ADGRB3: variants seen among roughly 807,000 people sequenced by gnomAD.
The protein encoded by ADGRB3 is adhesion G protein-coupled receptor B3, also known as brain-specific angiogenesis inhibitor 3.
In ADGRB3, 37 loss-of-function variants were observed where a neutral mutation model predicts 193.4. That is an observed-to-expected ratio of 0.19 (90% CI 0.15 to 0.25). The LOEUF is 0.25. ADGRB3 is among the 10% of genes least tolerant of loss of function. ADGRB3 has a pLI of 1.00. For missense variants in ADGRB3, 1,637 were observed against 1,852.9 expected (o/e 0.88, Z 2.14); for synonymous variants, 690 against 644.2 (o/e 1.07, Z -1.08).
chr6:68,865,696 AT>A (rs1765277152), intron 3 of ADGRB3, among the ~76,000 whole-genome samples: 1 of 152,120 alleles, frequency 6.6e-6, no homozygotes, highest in Admixed American at 6.5e-5. Context: ...TCTCATGGCC[AT>A]GGAAACTCAT....
chr6:69,013,990 A>T (rs182415878), intron 11 of ADGRB3, 48 bp from the exon 12 acceptor site: 45 of 1,322,306 alleles, frequency 3.4e-5, no homozygotes, highest in Admixed American at 2.9e-4. Context: ...ATTAAAAAGT[A>T]TAATTCTCTC....
intron 15 of ADGRB3, among the ~76,000 whole-genome samples, chr6:69,049,695 GGTACT>G (rs1416803897): frequency 6.6e-6 from 1 of 152,046 alleles, no homozygotes; most frequent in Non-Finnish European, 1.5e-5. Context: ...TGTACTTAAT[GGTACT>G]GTTCATCAAC....
At position 68,893,615 on chromosome 6, in the gene ADGRB3, G is replaced by A. The variant is rs549107754; in HGVS notation, c.758-36944G>A. Among the ~76,000 whole-genome samples, 7 of 150,280 alleles carry A rather than the reference G, an allele frequency of 4.7e-5. No individual in the cohort carries two copies. The East Asian group carries it at 1.2e-3, about 25-fold the overall frequency. ...GAAAAAAGAAACAAAGAGGAGGAAAGAGAAAAAAAGGACAATAGAAAGGAA... is the reference window on the plus strand; with the variant it reads ...GAAAAAAGAAACAAAGAGGAGGAAAAAGAAAAAAAGGACAATAGAAAGGAA... On this transcript the variant is annotated intron_variant, in intron 3 of 31. Transcript: ENST00000370598.
chr6:69,086,060 T>C (rs1772542115), intron 17 of ADGRB3, among the ~76,000 whole-genome samples: 1 of 152,004 alleles, frequency 6.6e-6, no homozygotes, highest in African/African-American at 2.4e-5. Context: ...ACTTGAGGGT[T>C]GTAAATCAAG....
chr6:68,995,672 G>A (rs1769365432), intron 11 of ADGRB3, among the ~76,000 whole-genome samples: 1 of 152,102 alleles, frequency 6.6e-6, no homozygotes, highest in African/African-American at 2.4e-5. Context: ...AAGCACGTTG[G>A]TGTCCTCGTC....
At chr6:68,991,365 C>T (rs992489439) in intron 10 of ADGRB3, among the ~76,000 whole-genome samples, 7 of 150,628 alleles carry the variant, frequency 4.6e-5, no homozygotes, top group Non-Finnish European at 8.9e-5. Flanking sequence ...ATTTTAATGG[C>T]ACAGGCAGAA....
intron 15 of ADGRB3, among the ~76,000 whole-genome samples, chr6:69,057,980 T>A (rs973831168): frequency 5.9e-5 from 9 of 151,958 alleles, no homozygotes; most frequent in Non-Finnish European, 1.2e-4. Flanking sequence ...GCTCTCTGCT[T>A]TAATTTTTTG....
At chr6:68,935,878 T>C (rs1036059612) in intron 4 of ADGRB3, among the ~76,000 whole-genome samples, 1 of 152,204 alleles carries the variant, frequency 6.6e-6, no homozygotes, top group Admixed American at 6.5e-5. Context: ...TTTTTCTTTA[T>C]TTTGAGTTAA....
chr6:69,206,390 C>T (rs535547998), intron 17 of ADGRB3, among the ~76,000 whole-genome samples: 2 of 152,192 alleles, frequency 1.3e-5, no homozygotes, highest in Admixed American at 6.5e-5. Flanking sequence ...GCAATGCCCT[C>T]ACAGACACAT....
At chr6:68,928,935 A>C (rs1481186051) in intron 3 of ADGRB3, among the ~76,000 whole-genome samples, 1 of 152,212 alleles carries the variant, frequency 6.6e-6, no homozygotes, top group Non-Finnish European at 1.5e-5. Flanking sequence ...CTAATTGCAT[A>C]TAATATTTGA....
intron 3 of ADGRB3, among the ~76,000 whole-genome samples, chr6:68,702,188 T>A (rs2127309439): frequency 6.7e-6 from 1 of 149,626 alleles, no homozygotes; most frequent in Middle Eastern, 3.4e-3. Context: ...GCATGTCACA[T>A]GGCAAGAACA....
intron 20 of ADGRB3, among the ~76,000 whole-genome samples, chr6:69,315,866 A>G (rs887539621): frequency 1.3e-5 from 2 of 151,560 alleles, no homozygotes; most frequent in Non-Finnish European, 3.0e-5. Context: ...AAATGTTACT[A>G]TAATTGCAAA....
chr6:69,333,979 A>ATATGT (rs1768785780), intron 24 of ADGRB3, among the ~76,000 whole-genome samples: 3 of 106,486 alleles, frequency 2.8e-5, no homozygotes, highest in Admixed American at 9.3e-5. Context: ...AATAAAATAA[A>ATATGT]ATAAAATAAA....
At chr6:68,945,313 A>T (rs968973388) in intron 6 of ADGRB3, among the ~76,000 whole-genome samples, 1 of 152,108 alleles carries the variant, frequency 6.6e-6, no homozygotes, top group African/African-American at 2.4e-5. Context: ...ATGAGTTAAT[A>T]TTCATACAAT....
chr6:68,760,183 G>A (rs1766370471), intron 3 of ADGRB3, among the ~76,000 whole-genome samples: 1 of 152,120 alleles, frequency 6.6e-6, no homozygotes, highest in South Asian at 2.1e-4. Flanking sequence ...TGCAAATGAT[G>A]GTAGTTCCTT....
intron 3 of ADGRB3, among the ~76,000 whole-genome samples, chr6:68,728,356 G>A (rs2127329542): frequency 1.3e-5 from 2 of 151,172 alleles, no homozygotes; most frequent in Middle Eastern, 6.8e-3. Flanking sequence ...TTAAGTTCTT[G>A]GCAGTCTATG....
intron 17 of ADGRB3, among the ~76,000 whole-genome samples, chr6:69,167,432 T>C (rs1020346716): frequency 6.6e-6 from 1 of 152,144 alleles, no homozygotes; most frequent in African/African-American, 2.4e-5. Context: ...TGTCTCTTCC[T>C]GAAGCTGATC....
intron 8 of ADGRB3, among the ~76,000 whole-genome samples, chr6:68,957,195 T>C (rs1313360211): frequency 1.3e-5 from 2 of 152,210 alleles, no homozygotes; most frequent in African/African-American, 2.4e-5. Flanking sequence ...CCATTTTTCA[T>C]TGGCAAAGGA....
At chr6:68,824,721 A>G (rs9363967) in intron 3 of ADGRB3, among the ~76,000 whole-genome samples, 1 of 150,038 alleles carries the variant, frequency 6.7e-6, no homozygotes, top group Non-Finnish European at 1.5e-5. Context: ...TCTTCTGGGA[A>G]TTTTTCCCCC....
Sources: gnomAD v4.1 joint callset for allele counts (sites outside exome capture counted in the v4.1 genomes callset) on GRCh38, gnomAD v4.1.1 for gene constraint, MANE v1.5 for transcripts, NCBI Gene and HGNC (gene_info 2026-07-23, HGNC 2026-07-21) for gene names.